CORIN: variants seen among roughly 807,000 people sequenced by gnomAD.
CORIN encodes atrial natriuretic peptide-converting enzyme.
A neutral mutation model predicts 125.3 loss-of-function variants in CORIN; 117 were observed. The observed-to-expected ratio is 0.93, with a 90% CI of 0.80 to 1.09. The LOEUF is 1.09. Ranked by LOEUF, CORIN falls within the 50% of genes least tolerant of loss-of-function variation. The pLI, the probability that CORIN is intolerant of heterozygous loss-of-function variation, is 0.00. For missense variants in CORIN, 1,253 were observed against 1,306.7 expected (o/e 0.96, Z 0.63); for synonymous variants, 450 against 466.4 (o/e 0.96, Z 0.45).
At chr4:47,778,120 T>C (rs971363326) in intron 3 of CORIN, among the ~76,000 whole-genome samples, 2 of 152,248 alleles carry the variant, frequency 1.3e-5, no homozygotes, top group Admixed American at 6.5e-5. Context: ...GTTTTCCTTT[T>C]TTTCTCTCTG....
intron 1 of CORIN, 93 bp downstream of exon 1, chr4:47,837,794 G>A (rs1733524755): frequency 9.0e-7 from 1 of 1,111,702 alleles, no homozygotes. Context: ...GGGCGGAGGA[G>A]AGGACGGGGG....
chr4:47,753,311 T>C (rs528185000), intron 4 of CORIN, among the ~76,000 whole-genome samples: 163 of 152,218 alleles, frequency 1.1e-3, no homozygotes, highest in African/African-American at 3.7e-3. Context: ...AGGGCAAAAT[T>C]AGAATTACTG....
chr4:47,693,053 C>T lies in CORIN; in HGVS notation c.830G>A (p.Cys277Tyr). 6 of 1,613,410 alleles carry T rather than the reference C, an allele frequency of 3.7e-6. No individual in the cohort carries two copies. Among genetic ancestry groups the T allele is most frequent in the Non-Finnish European group, 4.2e-6 (5 of 1,179,636 alleles). Residue 277 changes from cysteine (C) to tyrosine (Y), a missense_variant, in exon 6 of 22, where the codon TGT becomes TAT. Transcript: ENST00000273857. ...CCCGGGGATGCAGATTCCACTGGCA[C>T]ACAGAAAGTTCTCACCCCTTCCACA... ...LLCGRGENFL[C>Y]ASGICIPGKL...
At chr4:47,813,969 T>A (rs1732160265) in intron 1 of CORIN, among the ~76,000 whole-genome samples, 1 of 152,162 alleles carries the variant, frequency 6.6e-6, no homozygotes, top group African/African-American at 2.4e-5. Context: ...GTATGCAAAA[T>A]TATGGCAGAA....
At chr4:47,632,737 A>AGAT (rs1553905912) in intron 16 of CORIN, among the ~76,000 whole-genome samples, 27 of 111,784 alleles carry the variant, frequency 2.4e-4, no homozygotes, top group South Asian at 5.3e-4. Flanking sequence ...ATAGATAGAT[A>AGAT]GATAGATAGA....
intron 6 of CORIN, among the ~76,000 whole-genome samples, chr4:47,688,772 TTTGA>T (rs1725638028): frequency 6.6e-6 from 1 of 152,200 alleles, no homozygotes; most frequent in African/African-American, 2.4e-5. Flanking sequence ...TATTCAATAC[TTTGA>T]TTGATTCAGT....
rs1721399600 is a variant in CORIN, at chr4:47,600,208, A to G, written c.2946+6T>C. 1.9e-6 allele frequency: 3 copies of G among 1,604,060 alleles called. No homozygotes were observed. Among genetic ancestry groups the G allele is most frequent in the Admixed American group, 1.7e-5 (1 of 59,300 alleles). ...GAATCTCCTTGGTAACCAGAAAGCA[A>G]CTTACCATGCATGAATCAACTGTGC... On this transcript the variant is annotated splice_donor_region_variant and intron_variant, in intron 21 of 21. Transcript: ENST00000273857.
chr4:47,700,391 G>A (rs112552545), intron 5 of CORIN, among the ~76,000 whole-genome samples: 41 of 152,088 alleles, frequency 2.7e-4, no homozygotes, highest in Non-Finnish European at 8.8e-5. Context: ...TGGATTCAAC[G>A]CTGTTACATC....
intron 7 of CORIN, chr4:47,682,474 G>A (rs1456692003): frequency 1.4e-5 from 2 of 147,468 alleles, no homozygotes; most frequent in African/African-American, 5.0e-5. Flanking sequence ...GAGAGAGAGA[G>A]ACAGAGATTG....
At chr4:47,765,674 A>T (rs1236156709) in intron 3 of CORIN, among the ~76,000 whole-genome samples, 1 of 152,200 alleles carries the variant, frequency 6.6e-6, no homozygotes, top group African/African-American at 2.4e-5. Context: ...ACCAACAGAG[A>T]ACAGTGTCAA....
chr4:47,786,477 G>T (rs1050040367), intron 3 of CORIN, among the ~76,000 whole-genome samples: 1 of 152,106 alleles, frequency 6.6e-6, no homozygotes, highest in African/African-American at 2.4e-5. Flanking sequence ...GGAGGCGGAG[G>T]TTGCAGTGAG....
At chr4:47,665,431 T>A (rs1228014255) in intron 10 of CORIN, among the ~76,000 whole-genome samples, 168 bp from the exon 11 acceptor site, 1 of 152,210 alleles carries the variant, frequency 6.6e-6, no homozygotes, top group East Asian at 1.9e-4. Context: ...GTAAGTTGAT[T>A]AGTGAAGTGC....
chr4:47,827,193 G>C (rs1054966397), intron 1 of CORIN, among the ~76,000 whole-genome samples: 1 of 152,086 alleles, frequency 6.6e-6, no homozygotes, highest in African/African-American at 2.4e-5. Context: ...ACTTATAAGA[G>C]AGCCCAGACT....
At chr4:47,825,581 C>T (rs1281863797) in intron 1 of CORIN, among the ~76,000 whole-genome samples, 1 of 152,002 alleles carries the variant, frequency 6.6e-6, no homozygotes, top group East Asian at 1.9e-4. Context: ...TGAATCCCAC[C>T]AAGCCCACAT....
chr4:47,805,410 C>G (rs1381441056), intron 2 of CORIN, among the ~76,000 whole-genome samples: 3 of 152,082 alleles, frequency 2.0e-5, no homozygotes, highest in African/African-American at 7.2e-5. Context: ...TGACTCCTCT[C>G]TCCCTCACAC....
chr4:47,724,958 C>A (rs1032011005), intron 5 of CORIN, among the ~76,000 whole-genome samples: 1 of 152,172 alleles, frequency 6.6e-6, no homozygotes, highest in African/African-American at 2.4e-5. Flanking sequence ...AACCACAGAA[C>A]TGGAACCCTA....
intron 1 of CORIN, among the ~76,000 whole-genome samples, chr4:47,822,798 C>A (rs2109977739): frequency 6.6e-6 from 1 of 151,722 alleles, no homozygotes; most frequent in Non-Finnish European, 1.5e-5. Flanking sequence ...GTTAATATAC[C>A]ATCTCTTCAA....
At chr4:47,830,593 G>A (rs1213736763) in intron 1 of CORIN, among the ~76,000 whole-genome samples, 1 of 152,162 alleles carries the variant, frequency 6.6e-6, no homozygotes, top group Non-Finnish European at 1.5e-5. Flanking sequence ...TCACATAAAT[G>A]TTTGTTAAAT....
At chr4:47,743,668 C>T (rs1288046320) in intron 5 of CORIN, among the ~76,000 whole-genome samples, 1 of 152,150 alleles carries the variant, frequency 6.6e-6, no homozygotes, top group East Asian at 1.9e-4. Flanking sequence ...GGGTGGATCA[C>T]GACATAAGGA....
Sources: gnomAD v4.1 joint callset for allele counts (sites outside exome capture counted in the v4.1 genomes callset) on GRCh38, gnomAD v4.1.1 for gene constraint, MANE v1.5 for transcripts, NCBI Gene and HGNC (gene_info 2026-07-23, HGNC 2026-07-21) for gene names.